RASAL2: variants seen among roughly 807,000 people sequenced by gnomAD.
The protein encoded by RASAL2 is ras GTPase-activating protein nGAP.
In RASAL2, 58 loss-of-function variants were observed where a neutral mutation model predicts 128.9. The observed-to-expected ratio is 0.45, with a 90% CI of 0.36 to 0.56. RASAL2 has a LOEUF of 0.56. Among genes scored for constraint, RASAL2 ranks in the 20% least tolerant of loss-of-function variants. RASAL2 has a pLI of 0.00. For missense variants in RASAL2, 1,360 were observed against 1,601.6 expected (o/e 0.85, Z 2.57); for synonymous variants, 561 against 580.8 (o/e 0.97, Z 0.49).
At chr1:178,390,540 G>A (rs1312676906) in intron 4 of RASAL2, among the ~76,000 whole-genome samples, 2 of 151,888 alleles carry the variant, frequency 1.3e-5, no homozygotes, top group Non-Finnish European at 2.9e-5. Context: ...CATCATGCCT[G>A]GCTAATTTTT....
intron 1 of RASAL2, among the ~76,000 whole-genome samples, chr1:178,174,653 A>C (rs771077479): frequency 6.6e-6 from 1 of 152,178 alleles, no homozygotes; most frequent in Non-Finnish European, 1.5e-5. Flanking sequence ...TTATTAGGTC[A>C]GTCAAGAAGG....
chr1:178,383,964 A>G (rs1030617300), intron 3 of RASAL2, among the ~76,000 whole-genome samples: 5 of 152,318 alleles, frequency 3.3e-5, no homozygotes, highest in South Asian at 2.1e-4. Context: ...TTTGTATTCA[A>G]TGTTTTATCA....
chr1:178,098,727 G>A (rs1218787528), intron 1 of RASAL2, among the ~76,000 whole-genome samples: 1 of 152,124 alleles, frequency 6.6e-6, no homozygotes, highest in Non-Finnish European at 1.5e-5. Context: ...AATATTATCA[G>A]AAGGAATTAG....
chr1:178,449,549 C>G (rs1677237971), intron 9 of RASAL2, among the ~76,000 whole-genome samples: 1 of 151,900 alleles, frequency 6.6e-6, no homozygotes, highest in Admixed American at 6.6e-5. Flanking sequence ...ACAAGCACCC[C>G]CTTTGGCTCT....
intron 1 of RASAL2, among the ~76,000 whole-genome samples, chr1:178,138,161 T>C (rs576511868): frequency 2.0e-5 from 3 of 152,286 alleles, no homozygotes; most frequent in African/African-American, 7.2e-5. Context: ...ATTATGGGAA[T>C]AGAAAAATGG....
At chr1:178,159,884 G>T (rs560841282) in intron 1 of RASAL2, among the ~76,000 whole-genome samples, 15 of 151,996 alleles carry the variant, frequency 9.9e-5, no homozygotes, top group Admixed American at 6.5e-4. Context: ...CTGCCTGGGC[G>T]ACAGAGCAAG....
At chr1:178,333,610 T>G (rs1396890627) in intron 3 of RASAL2, among the ~76,000 whole-genome samples, 1 of 152,180 alleles carries the variant, frequency 6.6e-6, no homozygotes, top group Non-Finnish European at 1.5e-5. Context: ...TTAGATACAT[T>G]ATTTAGTTTT....
chr1:178,188,379 T>C (rs943275019), intron 1 of RASAL2, among the ~76,000 whole-genome samples: 1 of 152,114 alleles, frequency 6.6e-6, no homozygotes. Flanking sequence ...GGGATTATTA[T>C]AGGATTTATT....
At chr1:178,393,885 C>T (rs773867097) in intron 4 of RASAL2, among the ~76,000 whole-genome samples, 1 of 152,148 alleles carries the variant, frequency 6.6e-6, no homozygotes, top group Non-Finnish European at 1.5e-5. Flanking sequence ...GAGTTTATCT[C>T]ACACATATTC....
chr1:178,242,791 A>G (rs549158730), intron 1 of RASAL2, among the ~76,000 whole-genome samples: 6 of 152,278 alleles, frequency 3.9e-5, no homozygotes, highest in Admixed American at 3.3e-4. Context: ...GAGTGGTGCC[A>G]TCAAAGCTCA....
intron 9 of RASAL2, among the ~76,000 whole-genome samples, chr1:178,447,226 G>A (rs1677065023): frequency 6.6e-6 from 1 of 151,990 alleles, no homozygotes; most frequent in African/African-American, 2.4e-5. Flanking sequence ...GGAGGCCAAG[G>A]TAAGAGAACT....
At chr1:178,166,803 G>A (rs981963443) in intron 1 of RASAL2, among the ~76,000 whole-genome samples, 2 of 152,074 alleles carry the variant, frequency 1.3e-5, no homozygotes, top group Non-Finnish European at 1.5e-5. Context: ...ATTGACAAAT[G>A]GTACCTAATT....
intron 2 of RASAL2, among the ~76,000 whole-genome samples, chr1:178,286,691 C>T (rs1667045506): frequency 6.6e-6 from 1 of 152,218 alleles, no homozygotes; most frequent in South Asian, 2.1e-4. Context: ...GGATTATAGG[C>T]GTGGGCCACC....
At chr1:178,153,300 A>T (rs1327720176) in intron 1 of RASAL2, among the ~76,000 whole-genome samples, 1 of 152,190 alleles carries the variant, frequency 6.6e-6, no homozygotes, top group Non-Finnish European at 1.5e-5. Context: ...AGATGACTTT[A>T]AAAAAATTAG....
chr1:178,446,725 G>A (rs139030505), intron 9 of RASAL2, among the ~76,000 whole-genome samples: 1 of 151,882 alleles, frequency 6.6e-6, no homozygotes, highest in African/African-American at 2.4e-5. Flanking sequence ...ATAACATTAG[G>A]GATATCTCTA....
intron 2 of RASAL2, among the ~76,000 whole-genome samples, chr1:178,291,538 T>C (rs1667280226): frequency 6.6e-6 from 1 of 152,128 alleles, no homozygotes; most frequent in South Asian, 2.1e-4. Flanking sequence ...CTCAGACAGG[T>C]GTTTATGTTC....
chr1:178,414,373 A>G (rs994945842), intron 4 of RASAL2, among the ~76,000 whole-genome samples: 1 of 152,208 alleles, frequency 6.6e-6, no homozygotes, highest in Non-Finnish European at 1.5e-5. Context: ...GCATAATACT[A>G]TAATTGTGGA....
intron 1 of RASAL2, among the ~76,000 whole-genome samples, chr1:178,226,120 C>T (rs929762483): frequency 2.6e-4 from 39 of 152,140 alleles, no homozygotes; most frequent in African/African-American, 9.4e-4. Flanking sequence ...GTCCGTGGAC[C>T]AGTAGCATAG....
At position 178,439,381 on chromosome 1, in the gene RASAL2, G is replaced by T. The variant is rs370065884; in HGVS notation, c.675-41G>T. 2.0e-6 allele frequency: 3 copies of T among 1,536,002 alleles called. No individual in the cohort carries two copies. The African/African-American group carries it at 4.2e-5, about 21-fold the overall frequency. On this transcript the variant is annotated intron_variant, in intron 5 of 17. Coordinates refer to ENST00000367649, the MANE Select transcript of RASAL2 (RefSeq NM_170692.4). Reference sequence around the variant, plus strand: ...TGCATTAGACCTTCATTTCCTTGCTGGCCAAGTTACACTACCTTAAATATC... The same window carrying T: ...TGCATTAGACCTTCATTTCCTTGCTTGCCAAGTTACACTACCTTAAATATC...
Sources: allele counts gnomAD v4.1 joint callset (sites outside exome capture counted in the v4.1 genomes callset), GRCh38; gene constraint gnomAD v4.1.1; transcripts MANE v1.5; gene names NCBI Gene and HGNC (gene_info 2026-07-23, HGNC 2026-07-21).